Variants in ZMYM1 observed in about 807,000 individuals in gnomAD.
ZMYM1 encodes zinc finger MYM-type protein 1.
ZMYM1 carries 39 observed loss-of-function variants against 60.0 expected under a neutral mutation model. The ratio of observed to expected loss-of-function variants is 0.65; its 90% CI spans 0.50 to 0.85. The LOEUF is 0.85. Among genes scored for constraint, ZMYM1 ranks in the 40% least tolerant of loss-of-function variants. ZMYM1 has a pLI of 0.00. For synonymous variants in ZMYM1, 413 were observed against 454.0 expected (o/e 0.91, Z 1.15); for missense variants, 1,171 against 1,309.5 (o/e 0.89, Z 1.63).
chr1:35,077,828 C>T (rs1305129637), upstream of ZMYM1, among the ~76,000 whole-genome samples: 1 of 152,172 alleles, frequency 6.6e-6, no homozygotes, highest in Non-Finnish European at 1.5e-5. Context: ...TTTCAGTCTC[C>T]CGCACAGCTG....
chr1:35,101,070 T>C (rs2148534303), intron 4 of ZMYM1, among the ~76,000 whole-genome samples: 1 of 151,398 alleles, frequency 6.6e-6, no homozygotes, highest in East Asian at 1.9e-4. Context: ...CCCAAAGTGC[T>C]GGCATTATGG....
At chr1:35,091,316 C>T (rs1277017304) in intron 1 of ZMYM1, among the ~76,000 whole-genome samples, 1 of 151,882 alleles carries the variant, frequency 6.6e-6, no homozygotes, top group Admixed American at 6.6e-5. Context: ...GGGTTCACAC[C>T]ATTCTCCTGC....
chr1:35,112,854 C>T (rs1037364397), intron 9 of ZMYM1, 123 bp from the exon 10 acceptor site: 17 of 818,638 alleles, frequency 2.1e-5, no homozygotes, highest in South Asian at 1.3e-4. Context: ...TAACGTTTCC[C>T]CCTAGTGGAG....
chr1:35,113,741 C>G lies in ZMYM1; in HGVS notation c.1911C>G (p.Ile637Met). The G allele has an allele frequency of 6.2e-7, 1 of 1,613,810 alleles. No individual in the cohort carries two copies. The change falls in exon 10 of 10, where the codon ATC becomes ATG. Residue 637 changes from isoleucine (I) to methionine (M), a missense_variant. Ile to Met is a conservative substitution (Grantham distance 10, BLOSUM62 1). Coordinates refer to ENST00000359858, the MANE Select transcript of ZMYM1 (RefSeq NM_024772.5). ...TGTTGCAGGATATTGTGAATGAGATCAATGACTCCTCAGCATTTTCAATCA... is the reference window on the plus strand; with the variant it reads ...TGTTGCAGGATATTGTGAATGAGATGAATGACTCCTCAGCATTTTCAATCA... Reference protein sequence around the residue: ...TEMLQDIVNEINDSSAFSIIC... With the variant: ...TEMLQDIVNEMNDSSAFSIIC...
intron 1 of ZMYM1, among the ~76,000 whole-genome samples, chr1:35,091,809 T>G (rs1643020930): frequency 6.7e-6 from 1 of 150,054 alleles, no homozygotes; most frequent in African/African-American, 2.5e-5. Flanking sequence ...GGTGGGAGAA[T>G]TGCTTGATCC....
chr1:35,118,594 C>T (rs1570061535), downstream of ZMYM1, among the ~76,000 whole-genome samples: 1 of 152,134 alleles, frequency 6.6e-6, no homozygotes, highest in East Asian at 1.9e-4. Context: ...GTAGTCCCAG[C>T]TACTGGGGAG....
intron 6 of ZMYM1, among the ~76,000 whole-genome samples, chr1:35,106,549 C>T (rs1643893173): frequency 7.3e-6 from 1 of 137,636 alleles, no homozygotes; most frequent in African/African-American, 2.8e-5. Flanking sequence ...GTGGAGGTTG[C>T]AGTGAGCCGA....
chr1:35,063,044 C>G (rs1168926055), intron 1 of ZMYM1, among the ~76,000 whole-genome samples: 1 of 152,096 alleles, frequency 6.6e-6, no homozygotes, highest in Non-Finnish European at 1.5e-5. Flanking sequence ...ACTCAGGGAC[C>G]CAGACTCCTT....
Position 35,110,457 on chromosome 1 carries a change from G to T in ZMYM1, c.961+10G>T. 7.5e-6 allele frequency: 11 copies of T among 1,466,348 alleles called. No individual in the cohort carries two copies. The highest frequency in any genetic ancestry group is 9.9e-6 in the Non-Finnish European group (11 of 1,109,678). The allele number at this position is 1,466,348 out of a possible 1,614,324, so 90.8% of individuals were successfully genotyped here. ...ATGGAATCTTCTTCAGGTAATGTTT[G>T]TTTAGCAATTGTAGGGGTTTAGTAA... On this transcript the variant is annotated intron_variant, in intron 7 of 9. Coordinates refer to ENST00000359858, the MANE Select transcript of ZMYM1 (RefSeq NM_024772.5).
intron 1 of ZMYM1, among the ~76,000 whole-genome samples, chr1:35,071,971 C>A (rs1313580649): frequency 6.6e-6 from 1 of 152,094 alleles, no homozygotes; most frequent in Non-Finnish European, 1.5e-5. Context: ...AACCCTGTCT[C>A]TACTAAAACT....
chr1:35,086,162 C>T (rs761386023), intron 1 of ZMYM1, among the ~76,000 whole-genome samples: 5 of 152,116 alleles, frequency 3.3e-5, no homozygotes, highest in Non-Finnish European at 5.9e-5. Flanking sequence ...AAATCACTGT[C>T]ATTCATAATG....
chr1:35,074,857 T>A (rs561158238), upstream of ZMYM1, among the ~76,000 whole-genome samples: 60 of 514 alleles, frequency 0.12, 1 homozygote, highest in African/African-American at 0.22. Flanking sequence ...ACATATATAT[T>A]TTTTTTTTTT....
intron 9 of ZMYM1, 127 bp from the exon 10 acceptor site, chr1:35,112,850 T>C (rs545614559): frequency 1.3e-6 from 1 of 770,642 alleles, no homozygotes; most frequent in East Asian, 3.3e-5. Context: ...TTGTTAACGT[T>C]TCCCCCTAGT....
At chr1:35,075,171 T>G (rs147998773), upstream of ZMYM1, among the ~76,000 whole-genome samples, 3 of 152,198 alleles carry the variant, frequency 2.0e-5, no homozygotes, top group Non-Finnish European at 4.4e-5. Context: ...GTTTTTGACT[T>G]AAGTTCTATT....
intron 4 of ZMYM1, among the ~76,000 whole-genome samples, chr1:35,102,193 GT>G (rs61639346): frequency 0.03 from 4,557 of 151,906 alleles, 209 homozygotes; most frequent in African/African-American, 0.1. Flanking sequence ...CTTTTAGATC[GT>G]TGTGGGTGTT....
chr1:35,084,114 T>C (rs966187255), intron 1 of ZMYM1, among the ~76,000 whole-genome samples: 2 of 152,192 alleles, frequency 1.3e-5, no homozygotes, highest in African/African-American at 4.8e-5. Context: ...CTTCACTAAT[T>C]TGATATTCAT....
Position 35,104,620 on chromosome 1 carries a change from A to G in ZMYM1, c.658A>G (p.Lys220Glu), listed in dbSNP as rs147905945. 22 of 1,614,188 alleles carry G rather than the reference A, an allele frequency of 1.4e-5. No homozygotes were observed. The highest frequency in any genetic ancestry group is 6.6e-5 in the South Asian group (6 of 91,082). ...TCTTTGCAGTAATGCCTGCCTTTCAAAGTTTCACTCTGCTAACAACTTCAT... is the reference window on the plus strand; with the variant it reads ...TCTTTGCAGTAATGCCTGCCTTTCAGAGTTTCACTCTGCTAACAACTTCAT... ...HNLCSNACLS[K>E]FHSANNFIMN... The change falls in exon 6 of 10, where the codon AAG (lysine) becomes GAG (glutamate). Residue 220 changes from lysine (K) to glutamate (E), a missense_variant. Physicochemically the swap from Lys to Glu is moderately conservative, Grantham distance 56. Coordinates refer to ENST00000359858, the MANE Select transcript of ZMYM1 (RefSeq NM_024772.5).
At chr1:35,100,217 C>A (rs1569969748) in intron 4 of ZMYM1, among the ~76,000 whole-genome samples, 1 of 151,900 alleles carries the variant, frequency 6.6e-6, no homozygotes, top group Non-Finnish European at 1.5e-5. Context: ...TTTAAGATTT[C>A]TTTTATAGGA....
At chr1:35,089,763 T>TTTTTA (rs1642886418) in intron 1 of ZMYM1, among the ~76,000 whole-genome samples, 3 of 139,904 alleles carry the variant, frequency 2.1e-5, no homozygotes, top group Admixed American at 7.5e-5. Context: ...TTTTTTTTTT[T>TTTTTA]GAGATGGAGT....
Sources: gnomAD v4.1 joint callset for allele counts (sites outside exome capture counted in the v4.1 genomes callset) on GRCh38, gnomAD v4.1.1 for gene constraint, MANE v1.5 for transcripts, NCBI Gene and HGNC (gene_info 2026-07-23, HGNC 2026-07-21) for gene names.